The following L3MBTL4 variants were observed in gnomAD, a reference collection of about 807,000 sequenced individuals.
The protein encoded by L3MBTL4 is lethal(3)malignant brain tumor-like protein 4.
A neutral mutation model predicts 84.5 loss-of-function variants in L3MBTL4; 70 were observed. The ratio of observed to expected loss-of-function variants is 0.83; its 90% CI spans 0.68 to 1.01. The LOEUF is 1.01. L3MBTL4 is among the 50% of genes least tolerant of loss of function. L3MBTL4 has a pLI of 0.00. For synonymous variants in L3MBTL4, 274 were observed against 259.8 expected, an observed-to-expected ratio of 1.05 and a Z score of -0.52; for missense variants, 715 against 754.8, an observed-to-expected ratio of 0.95 and a Z score of 0.62.
At chr18:6,024,867 C>G (rs1201903905) in intron 16 of L3MBTL4, among the ~76,000 whole-genome samples, 1 of 152,184 alleles carries the variant, frequency 6.6e-6, no homozygotes, top group African/African-American at 2.4e-5. Context: ...AACCACTGCA[C>G]ATTCTGGTAT....
intron 16 of L3MBTL4, among the ~76,000 whole-genome samples, chr18:6,015,315 G>A (rs2145431253): frequency 6.6e-6 from 1 of 152,178 alleles, no homozygotes; most frequent in East Asian, 1.9e-4. Context: ...GGGCGGTTAT[G>A]TGGGAGGGAA....
chr18:6,329,044 T>A (rs1007799969), intron 1 of L3MBTL4, among the ~76,000 whole-genome samples: 1 of 152,198 alleles, frequency 6.6e-6, no homozygotes, highest in Non-Finnish European at 1.5e-5. Context: ...ACAGAACATG[T>A]GAATGTGTAC....
Position 6,405,608 on chromosome 18 carries a change from G to A in L3MBTL4, c.-91+9193C>T, listed in dbSNP as rs1184232586. Among the ~76,000 whole-genome samples, 13 of 151,494 alleles carry A rather than the reference G, an allele frequency of 8.6e-5. 1 individual carries two copies. In the South Asian group the frequency reaches 1.3e-3, roughly 15 times the overall value. ...CCTGCTAAATACAGGAAATGAGCCCGAGGGCCCACTAAACACAGGGGCTGG... is the reference window on the plus strand; with the variant it reads ...CCTGCTAAATACAGGAAATGAGCCCAAGGGCCCACTAAACACAGGGGCTGG... On this transcript the variant is annotated intron_variant, in intron 1 of 18. Coordinates refer to ENST00000317931, the MANE Select transcript of L3MBTL4 (RefSeq NM_001330559.2).
rs1003177235 is a variant in L3MBTL4 at position 6,127,812 on chromosome 18, A to G, written c.1199+10382T>C. Among the ~76,000 whole-genome samples the G allele has an allele frequency of 5.3e-5, 8 of 152,074 alleles. 1 individual carries two copies. The highest frequency in any genetic ancestry group is 5.2e-4 in the Admixed American group (8 of 15,258). ...AGATCTCCTGATGGTGGTGGAGGGG[A>G]GGCTCTTCTGCAGTGTGCCTGGGCC... On this transcript the variant is annotated intron_variant, in intron 14 of 18. Coordinates refer to ENST00000317931, the MANE Select transcript of L3MBTL4 (RefSeq NM_001330559.2).
Position 6,048,625 on chromosome 18 carries a change from C to T in L3MBTL4, c.1444+32256G>A, listed in dbSNP as rs190033074. ...CAGCCTGGCCAACATGATGAAACCC[C>T]GTCTCTACTAAAAATTAGCCGGGTG... On this transcript the variant is annotated intron_variant, in intron 16 of 18. Coordinates refer to ENST00000317931, the MANE Select transcript of L3MBTL4 (RefSeq NM_001330559.2). Among the ~76,000 whole-genome samples, 2 of 152,038 alleles carry T rather than the reference C, an allele frequency of 1.3e-5. 1 individual carries two copies. The highest frequency in any genetic ancestry group is 2.9e-5 in the Non-Finnish European group (2 of 67,972).
chr18:6,318,115 T>C (rs1276350571), intron 1 of L3MBTL4, among the ~76,000 whole-genome samples: 1 of 152,074 alleles, frequency 6.6e-6, no homozygotes, highest in Non-Finnish European at 1.5e-5. Flanking sequence ...GTTATAAATC[T>C]TCAAACAGAA....
chr18:5,984,971 C>G (rs536001727), intron 16 of L3MBTL4, among the ~76,000 whole-genome samples: 19 of 151,972 alleles, frequency 1.3e-4, no homozygotes, highest in Non-Finnish European at 2.5e-4. Flanking sequence ...AAACATAATT[C>G]TCAACTTTTC....
At chr18:6,007,530 T>C (rs982274231) in intron 16 of L3MBTL4, among the ~76,000 whole-genome samples, 2 of 152,220 alleles carry the variant, frequency 1.3e-5, no homozygotes, top group East Asian at 1.9e-4. Flanking sequence ...CAATATATTA[T>C]GTATGTTGGG....
intron 17 of L3MBTL4, among the ~76,000 whole-genome samples, chr18:5,963,911 C>T (rs551733710): frequency 3.9e-5 from 6 of 152,334 alleles, no homozygotes; most frequent in South Asian, 2.1e-4. Flanking sequence ...GAAGAGGAAA[C>T]GACCATCCAC....
chr18:5,961,987 TG>T (rs201124444), intron 17 of L3MBTL4, among the ~76,000 whole-genome samples: 1 of 152,312 alleles, frequency 6.6e-6, no homozygotes, highest in Non-Finnish European at 1.5e-5. Context: ...ACAACTGTGC[TG>T]GCTATATATA....
intron 1 of L3MBTL4, among the ~76,000 whole-genome samples, chr18:6,328,979 C>CAGCTCAAT (rs1030890956): frequency 9.2e-5 from 14 of 152,114 alleles, no homozygotes; most frequent in African/African-American, 3.4e-4. Flanking sequence ...GCTTAGGCCA[C>CAGCTCAAT]AGCTCAATAA....
chr18:5,958,017 G>GA (rs2095237725), intron 18 of L3MBTL4, among the ~76,000 whole-genome samples: 1 of 127,672 alleles, frequency 7.8e-6, no homozygotes, highest in East Asian at 2.5e-4. Context: ...GGAGGAGGAG[G>GA]AGAAGGAGAA....
chr18:6,125,078 C>A (rs1239957871), intron 14 of L3MBTL4, among the ~76,000 whole-genome samples: 1 of 151,280 alleles, frequency 6.6e-6, no homozygotes, highest in Non-Finnish European at 1.5e-5. Context: ...CTGAAAAAAA[C>A]ATTAGAATAA....
intron 16 of L3MBTL4, among the ~76,000 whole-genome samples, chr18:6,038,925 C>T (rs939779963): frequency 1.3e-5 from 2 of 151,950 alleles, no homozygotes; most frequent in Non-Finnish European, 2.9e-5. Flanking sequence ...TATATGGGGT[C>T]ATAAGGGTGG....
intron 16 of L3MBTL4, among the ~76,000 whole-genome samples, chr18:6,053,900 C>CAA (rs1394110069): frequency 6.6e-6 from 1 of 152,164 alleles, no homozygotes; most frequent in Non-Finnish European, 1.5e-5. Flanking sequence ...TCATGGCGTG[C>CAA]AAATGCTTTT....
intron 5 of L3MBTL4, among the ~76,000 whole-genome samples, chr18:6,256,587 G>A (rs564518090): frequency 1.9e-3 from 289 of 151,766 alleles, no homozygotes; most frequent in Non-Finnish European, 3.4e-3. Context: ...AGGAGGTAGA[G>A]CAGGACAAGA....
intron 16 of L3MBTL4, among the ~76,000 whole-genome samples, chr18:5,990,409 T>C (rs1323766035): frequency 6.6e-6 from 1 of 152,232 alleles, no homozygotes; most frequent in Non-Finnish European, 1.5e-5. Context: ...TTTGGCATGT[T>C]ATTAATTCAC....
intron 1 of L3MBTL4, among the ~76,000 whole-genome samples, chr18:6,412,797 A>T (rs1214774743): frequency 2.0e-5 from 3 of 152,192 alleles, no homozygotes; most frequent in Admixed American, 1.3e-4. Context: ...TTAAGATATA[A>T]ACCACACAGG....
intron 1 of L3MBTL4, among the ~76,000 whole-genome samples, chr18:6,357,820 TCA>T (rs991596536): frequency 1.3e-5 from 2 of 152,230 alleles, no homozygotes; most frequent in African/African-American, 4.8e-5. Flanking sequence ...GATACAGCTA[TCA>T]CAATGAAATT....
Sources: allele counts gnomAD v4.1 joint callset (sites outside exome capture counted in the v4.1 genomes callset), GRCh38; gene constraint gnomAD v4.1.1; transcripts MANE v1.5; gene names NCBI Gene and HGNC (gene_info 2026-07-23, HGNC 2026-07-21).